The following FBXO47 variants were observed in gnomAD, a reference collection of about 807,000 sequenced individuals.
FBXO47 encodes the protein F-box only protein 47.
In FBXO47, 34 loss-of-function variants were observed where a neutral mutation model predicts 53.9. The observed-to-expected ratio is 0.63, with a 90% CI of 0.48 to 0.84. FBXO47 has a LOEUF of 0.84. FBXO47 is among the 40% of genes least tolerant of loss of function. The probability of loss-of-function intolerance (pLI) is 0.00; values close to 1 mark genes in which losing one functional copy is unlikely to be tolerated. For synonymous variants in FBXO47, 165 were observed against 181.6 expected (o/e 0.91, Z 0.73); for missense variants, 485 against 541.3 (o/e 0.90, Z 1.03).
intron 3 of FBXO47, among the ~76,000 whole-genome samples, chr17:38,957,924 C>T (rs1252417383): frequency 1.3e-5 from 2 of 152,046 alleles, no homozygotes; most frequent in Non-Finnish European, 2.9e-5. Flanking sequence ...ACCTCCACCT[C>T]CCAGGTTCAA....
intron 1 of FBXO47, among the ~76,000 whole-genome samples, chr17:38,965,926 T>A (rs1275548101): frequency 6.0e-5 from 9 of 150,814 alleles, no homozygotes; most frequent in Admixed American, 4.0e-4. Flanking sequence ...CTTTACACAA[T>A]ACAGCTAAAC....
At chr17:38,957,146 AT>A (rs1905591884) in intron 4 of FBXO47, 30 bp downstream of exon 4, 1 of 1,371,208 alleles carries the variant, frequency 7.3e-7, no homozygotes, top group Admixed American at 1.7e-5. Flanking sequence ...GGAAATCAAG[AT>A]TGTAAACTAA....
At chr17:38,942,736 A>G (rs774951949) in intron 9 of FBXO47, 42 bp downstream of exon 9, 10 of 1,552,730 alleles carry the variant, frequency 6.4e-6, no homozygotes, top group South Asian at 2.4e-5. Flanking sequence ...GGTCAATTGT[A>G]GTGTTAAAAA....
chr17:38,959,624 T>TTGTGTGTGTGTGTGTG (rs34354922), intron 3 of FBXO47, among the ~76,000 whole-genome samples: 3 of 126,202 alleles, frequency 2.4e-5, no homozygotes, highest in African/African-American at 9.1e-5. Context: ...CTTCAAAGCA[T>TTGTGTGTGTGTGTGTG]TGTGTGTGTG....
chr17:38,939,702 C>T (rs1323045525), intron 9 of FBXO47, among the ~76,000 whole-genome samples: 33 of 137,590 alleles, frequency 2.4e-4, no homozygotes, highest in African/African-American at 8.5e-4. Flanking sequence ...ACTCTGTCGC[C>T]CAGGCCGGAC....
At chr17:38,947,116 ATAAACATATATAT>A (rs1327252423) in intron 6 of FBXO47, among the ~76,000 whole-genome samples, 16 of 141,784 alleles carry the variant, frequency 1.1e-4, no homozygotes, top group South Asian at 4.3e-4. Flanking sequence ...ACATATATAT[ATAAACATATATAT>A]AAATATATAT....
Position 38,943,625 on chromosome 17 carries a change from G to T in FBXO47, c.905C>A (p.Ala302Glu). Residue 302 changes from alanine to glutamate, a missense_variant, in exon 8 of 11, where the codon GCA (alanine) becomes GAA (glutamate). By Grantham distance (107) the Ala-to-Glu change is moderately radical (BLOSUM62 -1). Transcript: ENST00000378079. ...LYDASTKEWT[A>E]DDVISLVDEL... ...ATCTACAAGACTGATAACATCATCTGCTGTCCACTCTTTAGTGCTAGCGTC... is the reference window on the plus strand; with the variant it reads ...ATCTACAAGACTGATAACATCATCTTCTGTCCACTCTTTAGTGCTAGCGTC... 6.2e-7 allele frequency: 1 copy of T among 1,603,352 alleles called. No individual in the cohort carries two copies. Among genetic ancestry groups the T allele is most frequent in the Non-Finnish European group, 8.5e-7 (1 of 1,175,010 alleles).
chr17:38,948,426 G>C (rs1214285926), intron 6 of FBXO47, among the ~76,000 whole-genome samples: 1 of 151,796 alleles, frequency 6.6e-6, no homozygotes, highest in Non-Finnish European at 1.5e-5. Flanking sequence ...TGTTGACCAG[G>C]CTGGTCTCAA....
At chr17:38,948,305 C>A (rs372955489) in intron 6 of FBXO47, among the ~76,000 whole-genome samples, 9 of 146,918 alleles carry the variant, frequency 6.1e-5, no homozygotes, top group Non-Finnish European at 1.2e-4. Context: ...CTCTGTCTCC[C>A]GAGTTCAAGC....
At chr17:38,943,918 G>A (rs982617960) in intron 7 of FBXO47, among the ~76,000 whole-genome samples, 182 bp from the exon 8 acceptor site, 4 of 152,172 alleles carry the variant, frequency 2.6e-5, no homozygotes, top group African/African-American at 9.7e-5. Context: ...CTGGCCGGGC[G>A]TGGTGGCTCA....
At chr17:38,946,883 A>T (rs1385326825) in intron 6 of FBXO47, among the ~76,000 whole-genome samples, 5 of 115,914 alleles carry the variant, frequency 4.3e-5, no homozygotes, top group Non-Finnish European at 7.9e-5. Context: ...CATATATATA[A>T]ATATATATAT....
chr17:38,946,302 A>G (rs1232697173), intron 6 of FBXO47, among the ~76,000 whole-genome samples: 2 of 52,364 alleles, frequency 3.8e-5, no homozygotes, highest in African/African-American at 6.2e-5. Context: ...ATAAAAATAT[A>G]TATAAATATA....
At chr17:38,939,708 C>T (rs1326769985) in intron 9 of FBXO47, among the ~76,000 whole-genome samples, 1 of 138,894 alleles carries the variant, frequency 7.2e-6, no homozygotes, top group Admixed American at 7.4e-5. Flanking sequence ...TCGCCCAGGC[C>T]GGACTGCGGA....
intron 4 of FBXO47, among the ~76,000 whole-genome samples, chr17:38,956,546 C>T (rs1014196013): frequency 6.6e-6 from 1 of 150,556 alleles, no homozygotes. Context: ...CAAGATCATG[C>T]TGCTGCACTC....
rs1251437949 is a variant in FBXO47 at position 38,962,189 on chromosome 17, C to T, written c.182-142G>A. On this transcript the variant is annotated intron_variant, in intron 2 of 10. Transcript: ENST00000378079. The stretch of plus-strand genomic sequence containing the variant: ...TCCCTTTGGGAAAAAAGGGAAAAAC[C>T]TTAAAATTGTTTAAAATCTGGTTCT... The T allele has an allele frequency of 5.9e-6, 4 of 677,544 alleles. No individual in the cohort carries two copies. In the East Asian group the frequency reaches 1.1e-4, roughly 19 times the overall value. 42.0% of individuals were successfully genotyped at this position (677,544 alleles called of 1,614,324 possible).
intron 3 of FBXO47, among the ~76,000 whole-genome samples, chr17:38,958,202 G>T (rs945092749): frequency 6.6e-6 from 1 of 151,944 alleles, no homozygotes; most frequent in Non-Finnish European, 1.5e-5. Context: ...GGCTGGTCTC[G>T]AATTCCTGGG....
intron 7 of FBXO47, 59 bp downstream of exon 7, chr17:38,944,901 C>T (rs1461621886): frequency 1.6e-5 from 19 of 1,210,608 alleles, no homozygotes; most frequent in Non-Finnish European, 2.2e-5. Context: ...TATATATATG[C>T]TTCCTAAAGT....
intron 2 of FBXO47, 88 bp downstream of exon 2, chr17:38,962,757 C>T: frequency 1.2e-6 from 1 of 856,750 alleles, no homozygotes; most frequent in Non-Finnish European, 1.7e-6. Flanking sequence ...AACATTTTAG[C>T]ATGGCCCAAG....
chr17:38,965,327 A>G (rs1193454596), intron 1 of FBXO47, among the ~76,000 whole-genome samples: 1 of 152,222 alleles, frequency 6.6e-6, no homozygotes, highest in Non-Finnish European at 1.5e-5. Flanking sequence ...TCAAAGATAT[A>G]TAATTGTATC....
Sources: gnomAD v4.1 joint callset for allele counts (sites outside exome capture counted in the v4.1 genomes callset) on GRCh38, gnomAD v4.1.1 for gene constraint, MANE v1.5 for transcripts, NCBI Gene and HGNC (gene_info 2026-07-23, HGNC 2026-07-21) for gene names.